The following KCNK13 variants were observed in gnomAD, a reference collection of about 807,000 sequenced individuals.
The protein encoded by KCNK13 is potassium two pore domain channel subfamily K member 13.
KCNK13 carries 12 observed loss-of-function variants against 23.4 expected under a neutral mutation model. The observed-to-expected ratio is 0.51, with a 90% CI of 0.33 to 0.83. The LOEUF (loss-of-function observed/expected upper bound fraction) is 0.83, where lower values mean the gene tolerates loss of function less well. Ranked by LOEUF, KCNK13 falls within the 40% of genes least tolerant of loss-of-function variation. KCNK13 has a pLI of 0.02. For missense variants in KCNK13, 463 were observed against 556.3 expected (o/e 0.83, Z 1.69); for synonymous variants, 231 against 229.5 (o/e 1.01, Z -0.06).
At chr14:90,109,409 CTTTTTTTT>C (rs557644405) in intron 1 of KCNK13, among the ~76,000 whole-genome samples, 2 of 123,332 alleles carry the variant, frequency 1.6e-5, no homozygotes, top group Non-Finnish European at 3.3e-5. Flanking sequence ...CTTTTCTTTC[CTTTTTTTT>C]TTTTTTTTTG....
intron 1 of KCNK13, among the ~76,000 whole-genome samples, chr14:90,087,154 A>ATATATATATATATATATATATT (rs1282261147): frequency 9.3e-6 from 1 of 107,650 alleles, no homozygotes; most frequent in Non-Finnish European, 1.8e-5. Context: ...ATATATATAT[A>ATATATATATATATATATATATT]TTTTTTTTTT....
intron 1 of KCNK13, among the ~76,000 whole-genome samples, chr14:90,092,532 G>A (rs1889360734): frequency 6.6e-6 from 1 of 152,180 alleles, no homozygotes; most frequent in Admixed American, 6.5e-5. Context: ...GGAGCATTTT[G>A]GAGGAGCAGG....
chr14:90,066,808 G>T (rs1889014773), intron 1 of KCNK13, among the ~76,000 whole-genome samples: 1 of 151,920 alleles, frequency 6.6e-6, no homozygotes, highest in African/African-American at 2.4e-5. Context: ...CCATTTCTAG[G>T]TATATATCCA....
At chr14:90,156,131 G>A (rs1890191161) in intron 1 of KCNK13, among the ~76,000 whole-genome samples, 1 of 150,758 alleles carries the variant, frequency 6.6e-6, no homozygotes, top group Admixed American at 6.7e-5. Flanking sequence ...CTTGAGCCCG[G>A]TAGGTCGAGG....
intron 1 of KCNK13, among the ~76,000 whole-genome samples, chr14:90,092,836 C>T (rs1250544556): frequency 6.8e-6 from 1 of 147,602 alleles, no homozygotes; most frequent in Admixed American, 6.9e-5. Flanking sequence ...TGCTTGAGCC[C>T]AGGAGGTCGA....
At chr14:90,109,320 T>A (rs745920330) in intron 1 of KCNK13, among the ~76,000 whole-genome samples, 5 of 152,096 alleles carry the variant, frequency 3.3e-5, no homozygotes, top group Non-Finnish European at 4.4e-5. Context: ...AGAATTAGGT[T>A]CTAGGCTCAG....
At chr14:90,069,297 A>C (rs1056226922) in intron 1 of KCNK13, among the ~76,000 whole-genome samples, 3 of 152,066 alleles carry the variant, frequency 2.0e-5, no homozygotes, top group African/African-American at 4.8e-5. Flanking sequence ...GGCCTCCCAA[A>C]GTGCTGGGAT....
At chr14:90,127,405 C>T (rs543279310) in intron 1 of KCNK13, among the ~76,000 whole-genome samples, 1 of 149,216 alleles carries the variant, frequency 6.7e-6, no homozygotes, top group Admixed American at 6.7e-5. Context: ...GTTTTGGGGA[C>T]AGGACATTTG....
In KCNK13 at chr14:90,185,105, A is replaced by T. The variant is rs1171159686; in HGVS notation, c.*102A>T. On this transcript the variant is annotated 3_prime_UTR_variant, in exon 2 of 2. Transcript: ENST00000282146. ...GCGCCTTGGCTCTGTTCCTTCTGGG[A>T]GCTGTTCCCGGGAGCCTCCGCAAGC... 3 of 1,120,602 alleles carry T rather than the reference A, an allele frequency of 2.7e-6. No homozygotes were observed. The East Asian group carries it at 7.9e-5, about 29-fold the overall frequency. The allele number at this position is 1,120,602 out of a possible 1,614,324, so 69.4% of individuals were successfully genotyped here. A position where few individuals can be genotyped will look rare whatever the true frequency, so the allele number is the denominator to read the frequency against.
chr14:90,133,598 C>CAA (rs35500723), intron 1 of KCNK13, among the ~76,000 whole-genome samples: 6 of 117,240 alleles, frequency 5.1e-5, no homozygotes, highest in Non-Finnish European at 7.2e-5. Context: ...ACAAAACAGG[C>CAA]AAAAAAAAAA....
chr14:90,121,747 T>A (rs868039797), intron 1 of KCNK13, among the ~76,000 whole-genome samples: 1 of 152,078 alleles, frequency 6.6e-6, no homozygotes, highest in African/African-American at 2.4e-5. Context: ...TTTGAGACAG[T>A]CTCGCTCTGT....
chr14:90,120,829 C>T (rs1889730555), intron 1 of KCNK13, among the ~76,000 whole-genome samples: 1 of 152,172 alleles, frequency 6.6e-6, no homozygotes, highest in African/African-American at 2.4e-5. Context: ...TAACTCATTC[C>T]AGCATTAGCC....
At chr14:90,148,679 CA>C (rs1351717132) in intron 1 of KCNK13, among the ~76,000 whole-genome samples, 6 of 152,320 alleles carry the variant, frequency 3.9e-5, no homozygotes, top group Non-Finnish European at 8.8e-5. Flanking sequence ...GGGGAAAGTT[CA>C]GATTCTGGCA....
At chr14:90,129,140 A>G (rs748331942) in intron 1 of KCNK13, among the ~76,000 whole-genome samples, 3 of 152,190 alleles carry the variant, frequency 2.0e-5, no homozygotes, top group Non-Finnish European at 2.9e-5. Flanking sequence ...TTTAGTCTCA[A>G]TCTTAGGTTT....
chr14:90,086,204 T>A (rs546153325), intron 1 of KCNK13, among the ~76,000 whole-genome samples: 1 of 152,324 alleles, frequency 6.6e-6, no homozygotes, highest in Non-Finnish European at 1.5e-5. Flanking sequence ...ATTTAAATAT[T>A]GTCAGCTAAT....
At chr14:90,079,244 G>C (rs1483266389) in intron 1 of KCNK13, among the ~76,000 whole-genome samples, 1 of 152,162 alleles carries the variant, frequency 6.6e-6, no homozygotes, top group African/African-American at 2.4e-5. Flanking sequence ...GTTTCTCTAA[G>C]AAACAGACTC....
Position 90,092,410 on chromosome 14 carries a change from G to C in KCNK13, c.334+29871G>C, listed in dbSNP as rs535674047. Among the ~76,000 whole-genome samples, 4 of 152,236 alleles carry C rather than the reference G, an allele frequency of 2.6e-5. No homozygotes were observed. The South Asian group carries it at 8.3e-4, about 32-fold the overall frequency. On this transcript the variant is annotated intron_variant, in intron 1 of 1. Transcript: ENST00000282146. The stretch of plus-strand genomic sequence containing the variant: ...TGAAAAGAGGAGAGGCTTTGTCATG[G>C]GGAAAATGTAGGTTATGAAACACAG...
intron 1 of KCNK13, among the ~76,000 whole-genome samples, chr14:90,166,246 A>AT (rs2140440890): frequency 6.6e-6 from 1 of 152,326 alleles, no homozygotes; most frequent in Admixed American, 6.5e-5. Context: ...AATTCCAAGA[A>AT]TATCTGTAAC....
chr14:90,182,750 GT>G (rs1306019823), intron 1 of KCNK13, among the ~76,000 whole-genome samples: 2 of 151,554 alleles, frequency 1.3e-5, no homozygotes, highest in East Asian at 3.9e-4. Flanking sequence ...GAACCTGGTA[GT>G]TTTAGGCTGC....
Sources: gnomAD v4.1 joint callset for allele counts (sites outside exome capture counted in the v4.1 genomes callset) on GRCh38, gnomAD v4.1.1 for gene constraint, MANE v1.5 for transcripts, NCBI Gene and HGNC (gene_info 2026-07-23, HGNC 2026-07-21) for gene names.